TET1: variants seen among roughly 807,000 people sequenced by gnomAD.
The protein encoded by TET1 is methylcytosine dioxygenase TET1.
TET1 carries 13 observed loss-of-function variants against 148.7 expected under a neutral mutation model. The observed-to-expected ratio is 0.09, with a 90% CI of 0.06 to 0.14. The LOEUF is 0.14. Among genes scored for constraint, TET1 ranks in the 10% least tolerant of loss-of-function variants. The probability of loss-of-function intolerance (pLI) is 1.00; values close to 1 mark genes in which losing one functional copy is unlikely to be tolerated. For missense variants in TET1, 2,182 were observed against 2,553.8 expected (o/e 0.85, Z 3.14); for synonymous variants, 907 against 937.2 (o/e 0.97, Z 0.59).
intron 10 of TET1, among the ~76,000 whole-genome samples, chr10:68,685,757 A>G (rs1339937436): frequency 1.3e-5 from 2 of 152,170 alleles, no homozygotes; most frequent in Admixed American, 6.5e-5. Context: ...TTCATATCCA[A>G]AGAAAGGCAA....
chr10:68,651,460 A>G (rs960819469), intron 4 of TET1, among the ~76,000 whole-genome samples: 1 of 151,972 alleles, frequency 6.6e-6, no homozygotes, highest in Non-Finnish European at 1.5e-5. Context: ...CAAAAAAAAA[A>G]GGGGATTGCT....
chr10:68,663,994 C>T (rs1004150827), intron 6 of TET1, among the ~76,000 whole-genome samples: 4 of 150,796 alleles, frequency 2.7e-5, no homozygotes, highest in East Asian at 3.9e-4. Context: ...TCTCCACCAA[C>T]GTAGGTACCT....
chr10:68,593,764 C>T (rs931578366), intron 2 of TET1, among the ~76,000 whole-genome samples: 1 of 151,938 alleles, frequency 6.6e-6, no homozygotes, highest in Admixed American at 6.6e-5. Context: ...AGGCACCCGC[C>T]ACCACGCCCA....
intron 10 of TET1, 30 bp from the exon 11 acceptor site, chr10:68,686,326 T>C (rs1196471024): frequency 6.5e-7 from 1 of 1,545,300 alleles, no homozygotes; most frequent in Non-Finnish European, 8.8e-7. Context: ...CCCGTATATC[T>C]TTCCCATTTC....
intron 2 of TET1, among the ~76,000 whole-genome samples, chr10:68,585,782 G>A (rs577190179): frequency 4.7e-4 from 72 of 151,866 alleles, no homozygotes; most frequent in Admixed American, 8.5e-4. Flanking sequence ...AGGCTGAGGC[G>A]GGCGATCACA....
At chr10:68,651,400 G>A (rs545047356) in intron 4 of TET1, among the ~76,000 whole-genome samples, 29 of 151,880 alleles carry the variant, frequency 1.9e-4, no homozygotes, top group Non-Finnish European at 3.1e-4. Context: ...GCAGTGAGCC[G>A]AGATCGCGCC....
chr10:68,618,332 T>A (rs1016228043), intron 3 of TET1, among the ~76,000 whole-genome samples: 5 of 152,114 alleles, frequency 3.3e-5, no homozygotes, highest in East Asian at 1.9e-4. Flanking sequence ...GGCATATTTT[T>A]TAAAAAAAAT....
intron 8 of TET1, among the ~76,000 whole-genome samples, chr10:68,678,159 A>G (rs1400428891): frequency 6.6e-6 from 1 of 152,190 alleles, no homozygotes; most frequent in Non-Finnish European, 1.5e-5. Flanking sequence ...AATGTAACCA[A>G]GAGTGGATTT....
At chr10:68,644,186 A>C (rs1406799610) in intron 3 of TET1, among the ~76,000 whole-genome samples, 3 of 151,568 alleles carry the variant, frequency 2.0e-5, no homozygotes, top group Non-Finnish European at 4.4e-5. Context: ...TACAGGCATG[A>C]GCCACCACCC....
chr10:68,594,785 C>T (rs2053958921), intron 2 of TET1, among the ~76,000 whole-genome samples: 1 of 152,028 alleles, frequency 6.6e-6, no homozygotes, highest in Admixed American at 6.6e-5. Flanking sequence ...TTAAGACCAG[C>T]CTGGCCAACA....
In TET1 at chr10:68,667,176, C is replaced by T. The variant is rs1202744933; in HGVS notation, c.4593C>T (p.Asp1531=). The T allele has an allele frequency of 2.5e-6, 4 of 1,614,078 alleles. No individual in the cohort carries two copies. The highest frequency in any genetic ancestry group is 2.2e-5 in the East Asian group (1 of 44,870). Residue 1531 remains aspartate, a synonymous_variant, in exon 7 of 12, where the codon GAC becomes GAT. Transcript: ENST00000373644. The stretch of plus-strand genomic sequence containing the variant: ...ATGGCATCCCTCTTCCAATGGCCGA[C>T]CGGCTATACACAGAGCTCACAGAGA... ...VWDGIPLPMA[D]RLYTELTENL...
At chr10:68,647,618 GA>G (rs1349302053) in intron 4 of TET1, among the ~76,000 whole-genome samples, 2 of 151,624 alleles carry the variant, frequency 1.3e-5, no homozygotes, top group Non-Finnish European at 2.9e-5. Flanking sequence ...AAAAAAGAAA[GA>G]AAGAAATAAC....
intron 3 of TET1, chr10:68,632,847 AAAAAAG>A (rs2054595822): frequency 1.4e-5 from 11 of 810,178 alleles, no homozygotes; most frequent in Middle Eastern, 3.1e-4. Context: ...AAAAAAAAAA[AAAAAAG>A]AAAGAAAACA....
intron 2 of TET1, among the ~76,000 whole-genome samples, chr10:68,596,548 C>CA (rs2072941344): frequency 6.6e-6 from 1 of 152,136 alleles, no homozygotes. Context: ...CTTGGCCTCT[C>CA]AAAGTGCTTG....
At chr10:68,631,158 A>G (rs1185695383) in intron 3 of TET1, among the ~76,000 whole-genome samples, 2 of 152,238 alleles carry the variant, frequency 1.3e-5, no homozygotes, top group African/African-American at 4.8e-5. Flanking sequence ...CCTAGGCAAT[A>G]GTGCCAAACT....
rs567202127 is a variant in TET1, at chr10:68,632,338, G to T, written c.1969-12360G>T. 234 of 1,559,036 alleles carry T rather than the reference G, an allele frequency of 1.5e-4. 5 individuals are homozygous for T. The South Asian group carries it at 2.3e-3, about 16-fold the overall frequency. ...TTCCCTTTCAAAAAAAAAAGAAAGG[G>T]TGCAGGGCGGGTGGAGTCGCGGAGT... is the stretch of plus-strand genomic sequence containing the variant. On this transcript the variant is annotated intron_variant, in intron 3 of 11. Coordinates refer to ENST00000373644, the MANE Select transcript of TET1 (RefSeq NM_030625.3).
intron 6 of TET1, among the ~76,000 whole-genome samples, chr10:68,656,659 C>T (rs996332226): frequency 8.5e-5 from 13 of 152,150 alleles, no homozygotes; most frequent in African/African-American, 1.9e-4. Flanking sequence ...AGAGCAATGC[C>T]GAGCCTAGAA....
At chr10:68,675,546 C>T (rs1012817054) in intron 8 of TET1, among the ~76,000 whole-genome samples, 1 of 150,456 alleles carries the variant, frequency 6.6e-6, no homozygotes, top group Non-Finnish European at 1.5e-5. Flanking sequence ...AAGGCCAAAG[C>T]GTCAAACTAT....
intron 2 of TET1, among the ~76,000 whole-genome samples, chr10:68,584,520 C>A (rs2053838177): frequency 6.6e-6 from 1 of 151,444 alleles, no homozygotes; most frequent in African/African-American, 2.4e-5. Context: ...ACCAGCCTGG[C>A]CAACATGGTT....
Sources: allele counts gnomAD v4.1 joint callset (sites outside exome capture counted in the v4.1 genomes callset), GRCh38; gene constraint gnomAD v4.1.1; transcripts MANE v1.5; gene names NCBI Gene and HGNC (gene_info 2026-07-23, HGNC 2026-07-21).